Variants in FREM1 observed in about 807,000 individuals in gnomAD.
FREM1 encodes the protein FRAS1-related extracellular matrix protein 1.
In FREM1, 220 loss-of-function variants were observed where a neutral mutation model predicts 210.1. The observed-to-expected ratio is 1.05, with a 90% CI of 0.94 to 1.17. The LOEUF is 1.17. FREM1 is among the 50% of genes most tolerant of loss of function. The pLI, the probability that FREM1 is intolerant of heterozygous loss-of-function variation, is 0.00. For missense variants in FREM1, 3,454 were observed against 2,675.5 expected, an observed-to-expected ratio of 1.29 and a Z score of -6.42; for synonymous variants, 1,189 against 980.2, an observed-to-expected ratio of 1.21 and a Z score of -3.98.
chr9:14,839,018 G>T, intron 10 of FREM1, among the ~76,000 whole-genome samples: 1 of 152,162 alleles, frequency 6.6e-6, no homozygotes, highest in East Asian at 1.9e-4. Context: ...GGGAAAAACA[G>T]ATGCTAGATT....
At chr9:14,741,598 A>G (rs2131894001) in intron 35 of FREM1, among the ~76,000 whole-genome samples, 1 of 152,292 alleles carries the variant, frequency 6.6e-6, no homozygotes, top group Middle Eastern at 3.4e-3. Context: ...AAAGCGCTGT[A>G]GGCTTAGAAC....
chr9:14,887,900 G>A (rs1323993034), intron 1 of FREM1, among the ~76,000 whole-genome samples: 1 of 151,976 alleles, frequency 6.6e-6, no homozygotes, highest in Non-Finnish European at 1.5e-5. Flanking sequence ...TAGATTTAAG[G>A]GATCCTCCTG....
At chr9:14,817,843 G>A (rs528742846) in intron 14 of FREM1, among the ~76,000 whole-genome samples, 4 of 152,108 alleles carry the variant, frequency 2.6e-5, no homozygotes, top group East Asian at 1.9e-4. Context: ...CGCACTACCC[G>A]CTATGCTTTA....
chr9:14,839,154 G>A (rs1825177273), intron 10 of FREM1, among the ~76,000 whole-genome samples: 1 of 152,194 alleles, frequency 6.6e-6, no homozygotes, highest in South Asian at 2.1e-4. Flanking sequence ...GCCCAGAAAA[G>A]ATGAAGGTTG....
At position 14,851,340 on chromosome 9, in the gene FREM1, T is replaced by C; in HGVS notation, c.1096A>G (p.Met366Val). 2 of 1,611,480 alleles carry C rather than the reference T, an allele frequency of 1.2e-6. No homozygotes were observed. Among genetic ancestry groups the C allele is most frequent in the Non-Finnish European group, 1.7e-6 (2 of 1,178,048 alleles). ...TTTGGTGGCTGATAGGCGATCTGCA[T>C]GTCACTGAGATCTTTCCAGGTGAAT... ...SSFTWKDLSD[M>V]QIAYQPPNSS... The change falls in exon 6 of 37, where the codon ATG (methionine) becomes GTG (valine). Residue 366 changes from methionine to valine, a missense_variant. Coordinates refer to ENST00000380880, the MANE Select transcript of FREM1 (RefSeq NM_001379081.2).
intron 10 of FREM1, among the ~76,000 whole-genome samples, chr9:14,826,383 C>T (rs1172989329): frequency 6.6e-6 from 1 of 152,124 alleles, no homozygotes; most frequent in Non-Finnish European, 1.5e-5. Context: ...TGAGCCACCA[C>T]CCAGCCACCT....
At chr9:14,903,980 G>C (rs1817200462) in intron 1 of FREM1, among the ~76,000 whole-genome samples, 1 of 151,954 alleles carries the variant, frequency 6.6e-6, no homozygotes, top group Non-Finnish European at 1.5e-5. Context: ...AAATTAGCTG[G>C]GCGTGGTGGC....
chr9:14,788,860 G>A (rs1850828806), intron 23 of FREM1, 59 bp downstream of exon 23: 3 of 1,295,760 alleles, frequency 2.3e-6, no homozygotes, highest in Non-Finnish European at 3.2e-6. Flanking sequence ...AACGAATGTG[G>A]AATACTTATA....
chr9:14,781,893 C>T (rs556359658), intron 24 of FREM1, among the ~76,000 whole-genome samples: 1 of 152,094 alleles, frequency 6.6e-6, no homozygotes, highest in Non-Finnish European at 1.5e-5. Context: ...TTAGTAGAGA[C>T]GGGGTTTCGC....
At chr9:14,791,015 G>A (rs1851207952) in intron 22 of FREM1, 1 of 152,322 alleles carries the variant, frequency 6.6e-6, no homozygotes, top group South Asian at 2.1e-4. Flanking sequence ...CACATAGAAT[G>A]AATTCTTGCT....
intron 1 of FREM1, among the ~76,000 whole-genome samples, chr9:14,895,810 T>G (rs1837615011): frequency 6.6e-6 from 1 of 152,054 alleles, no homozygotes; most frequent in Non-Finnish European, 1.5e-5. Flanking sequence ...CAAGAGATCC[T>G]CATAGTTAGG....
intron 2 of FREM1, among the ~76,000 whole-genome samples, chr9:14,865,244 T>TA (rs1412490093): frequency 2.0e-5 from 3 of 152,218 alleles, no homozygotes; most frequent in African/African-American, 7.2e-5. Flanking sequence ...AAAGCAAGTT[T>TA]AGTGCTAACC....
At chr9:14,878,660 T>C (rs1834232202) in intron 1 of FREM1, among the ~76,000 whole-genome samples, 1 of 152,228 alleles carries the variant, frequency 6.6e-6, no homozygotes, top group Non-Finnish European at 1.5e-5. Context: ...CAACCTAATA[T>C]TAGTCACTGC....
chr9:14,774,513 C>A (rs1027899182), intron 25 of FREM1, among the ~76,000 whole-genome samples: 1 of 2,170 alleles, frequency 4.6e-4, no homozygotes, highest in East Asian at 3.2e-3. Context: ...TAAAATAAAT[C>A]TCTCTCTCTC....
At chr9:14,790,899 C>G (rs1851188030) in intron 22 of FREM1, 1 of 152,220 alleles carries the variant, frequency 6.6e-6, no homozygotes, top group Non-Finnish European at 1.5e-5. Context: ...TGCTTCATTA[C>G]TCTTTGAAAT....
Position 14,848,682 on chromosome 9 carries a change from CGGG to C in FREM1, c.1241_1243del (p.Pro414del). On this transcript the variant is annotated inframe_deletion, in exon 7 of 37. Coordinates refer to ENST00000380880, the MANE Select transcript of FREM1 (RefSeq NM_001379081.2). ...AGCTTTACCTGTATTCCAGGATACA[CGGG>C]GGGCATTTGTATCTGCTGTTCTGAT... is the stretch of plus-strand genomic sequence containing the variant. 2 of 1,604,532 alleles carry C rather than the reference CGGG, an allele frequency of 1.2e-6. No homozygotes were observed. Among genetic ancestry groups the C allele is most frequent in the Non-Finnish European group, 1.7e-6 (2 of 1,171,778 alleles).
At chr9:14,784,321 G>A (rs1401123910) in intron 24 of FREM1, 49 bp downstream of exon 24, 6 of 1,556,938 alleles carry the variant, frequency 3.9e-6, no homozygotes, top group South Asian at 2.4e-5. Context: ...CTCCTTTTCT[G>A]TAAGTATTAA....
At chr9:14,876,351 G>T (rs576945737) in intron 1 of FREM1, among the ~76,000 whole-genome samples, 41 of 151,708 alleles carry the variant, frequency 2.7e-4, no homozygotes, top group African/African-American at 9.9e-4. Flanking sequence ...CTTCCTGGCT[G>T]CTTTGTTTAC....
chr9:14,781,054 TG>T (rs1237060294), intron 24 of FREM1, among the ~76,000 whole-genome samples: 5 of 152,184 alleles, frequency 3.3e-5, no homozygotes, highest in African/African-American at 4.8e-5. Context: ...CACAAATTTT[TG>T]GTACAACGAG....
Sources: gnomAD v4.1 joint callset for allele counts (sites outside exome capture counted in the v4.1 genomes callset) on GRCh38, gnomAD v4.1.1 for gene constraint, MANE v1.5 for transcripts, NCBI Gene and HGNC (gene_info 2026-07-23, HGNC 2026-07-21) for gene names.